The following CD9 variants were observed in gnomAD, a reference collection of about 807,000 sequenced individuals.
CD9 encodes the protein CD9 molecule, also known as CD9 antigen.
Under a neutral mutation model 31.4 loss-of-function variants are expected in CD9, and 10 were observed. That is an observed-to-expected ratio of 0.32 (90% CI 0.20 to 0.54). The LOEUF (loss-of-function observed/expected upper bound fraction) is 0.54. CD9 is among the 20% of genes least tolerant of loss of function. The pLI, the probability that CD9 is intolerant of heterozygous loss-of-function variation, is 0.94. For synonymous variants in CD9, 113 were observed against 114.1 expected (o/e 0.99, Z 0.06); for missense variants, 259 against 300.1 (o/e 0.86, Z 1.01).
At chr12:6,224,210 T>A (rs1946332229) in intron 1 of CD9, among the ~76,000 whole-genome samples, 1 of 152,188 alleles carries the variant, frequency 6.6e-6, no homozygotes, top group Non-Finnish European at 1.5e-5. Flanking sequence ...CTTTATTCTT[T>A]AGCCATACCT....
intron 1 of CD9, among the ~76,000 whole-genome samples, chr12:6,224,445 T>C (rs1946335841): frequency 6.6e-6 from 1 of 151,890 alleles, no homozygotes; most frequent in Admixed American, 6.5e-5. Flanking sequence ...CCACCCAACA[T>C]GCCCACACTC....
chr12:6,226,630 C>T (rs1212734246), intron 2 of CD9, among the ~76,000 whole-genome samples: 1 of 152,052 alleles, frequency 6.6e-6, no homozygotes, highest in African/African-American at 2.4e-5. Context: ...ACATTTGAGC[C>T]CTGTGGATAG....
Position 6,232,966 on chromosome 12 carries a change from T to C in CD9, c.273+237T>C. On this transcript the variant is annotated intron_variant, in intron 3 of 7. Transcript: ENST00000009180. This position sits in a 1 kb window ranked among gnomAD's most constrained non-coding sequence, Gnocchi z 4.8. ...CTAAAAGGACTATGTTTCCCCCTTT[T>C]CTCGAGGACCACGTTTGCTTTTTTT... 1 of 702,452 alleles carries C rather than the reference T, an allele frequency of 1.4e-6. No homozygotes were observed. The highest frequency in any genetic ancestry group is 2.7e-5 in the East Asian group (1 of 37,276). The allele number at this position is 702,452 out of a possible 1,614,324, so 43.5% of individuals were successfully genotyped here. A position where few individuals can be genotyped will look rare whatever the true frequency, so the allele number is the denominator to read the frequency against.
intron 1 of CD9, among the ~76,000 whole-genome samples, chr12:6,223,792 G>T (rs1228142575): frequency 6.6e-6 from 1 of 152,150 alleles, no homozygotes; most frequent in Non-Finnish European, 1.5e-5. Flanking sequence ...TACCCTGCTG[G>T]GTCCAGGACG....
intron 1 of CD9, among the ~76,000 whole-genome samples, chr12:6,211,660 C>T (rs1426784738): frequency 6.6e-6 from 1 of 152,200 alleles, no homozygotes; most frequent in African/African-American, 2.4e-5. Context: ...GAGGCATACA[C>T]AACGGAAAAC....
chr12:6,220,140 C>T (rs1443182221), intron 1 of CD9, among the ~76,000 whole-genome samples: 1 of 152,140 alleles, frequency 6.6e-6, no homozygotes, highest in Non-Finnish European at 1.5e-5. Flanking sequence ...TGCTCACGTG[C>T]TTGGCTTGCT....
intron 1 of CD9, chr12:6,200,965 A>T (rs1946069090): frequency 5.8e-6 from 1 of 172,304 alleles, no homozygotes; most frequent in South Asian, 1.6e-4. Flanking sequence ...AAGGCCAAGG[A>T]GGACTGTGGT....
chr12:6,231,577 G>A (rs1311189715), intron 2 of CD9, among the ~76,000 whole-genome samples: 1 of 152,234 alleles, frequency 6.6e-6, no homozygotes, highest in African/African-American at 2.4e-5. Context: ...TAGAACTGTG[G>A]GGTGGCCCCT....
intron 1 of CD9, among the ~76,000 whole-genome samples, chr12:6,215,305 CAG>C (rs1490500095): frequency 6.6e-6 from 1 of 152,206 alleles, no homozygotes; most frequent in East Asian, 1.9e-4. Context: ...TCAGAACCCC[CAG>C]AGAGAGCTTT....
rs1183694266 is a variant in CD9, at chr12:6,235,502, C to T, written c.474C>T (p.Gly158=). ...TGAACTGCTGTGGTTTGGCTGGGGG[C>T]GTGGAACAGTTTATCTCAGACATCT... The part of the protein sequence containing the change: ...YALNCCGLAG[G]VEQFISDICP... Residue 158 remains glycine, a synonymous_variant, in exon 6 of 8, where the codon GGC becomes GGT. Coordinates refer to ENST00000009180, the MANE Select transcript of CD9 (RefSeq NM_001769.4). 18 of 1,613,914 alleles carry T rather than the reference C, an allele frequency of 1.1e-5. No individual in the cohort carries two copies. The African/African-American group carries it at 1.2e-4, about 11-fold the overall frequency.
intron 1 of CD9, among the ~76,000 whole-genome samples, chr12:6,221,572 A>G (rs745637702): frequency 2.0e-5 from 3 of 152,050 alleles, no homozygotes; most frequent in Non-Finnish European, 2.9e-5. Flanking sequence ...CCGGACTCCT[A>G]TATTCTCATT....
At chr12:6,225,106 G>T in intron 1 of CD9, 1 of 302,490 alleles carries the variant, frequency 3.3e-6, no homozygotes, top group South Asian at 7.9e-5. Flanking sequence ...TCTTGGTTTA[G>T]CATTGTGAGA....
At position 6,214,615 on chromosome 12, in the gene CD9, T is replaced by C. The variant is rs561362301; in HGVS notation, c.67-10811T>C. On this transcript the variant is annotated intron_variant, in intron 1 of 7. Transcript: ENST00000009180. The stretch of plus-strand genomic sequence containing the variant: ...CCGCCCCCCTCTCAGCCTCCCAAAG[T>C]GCTAGGTCAGGTCAGAGGCCTGACC... 2.6e-5 allele frequency among the ~76,000 whole-genome samples: 4 copies of C among 152,220 alleles called. No individual in the cohort carries two copies. In the East Asian group the frequency reaches 7.7e-4, roughly 29 times the overall value.
rs181627892 is a variant in CD9 at position 6,216,909 on chromosome 12, T to C, written c.67-8517T>C. On this transcript the variant is annotated intron_variant, in intron 1 of 7. Coordinates refer to ENST00000009180, the MANE Select transcript of CD9 (RefSeq NM_001769.4). ...GGTTTATTATTATTGTCATTTTTTT[T>C]CCCTATGGAATCCGGCTGGCTGTAA... Among the ~76,000 whole-genome samples, 68 of 152,286 alleles carry C rather than the reference T, an allele frequency of 4.5e-4. No homozygotes were observed. The East Asian group carries it at 9.8e-3, about 22-fold the overall frequency.
chr12:6,203,326 T>G (rs1946095813), intron 1 of CD9, among the ~76,000 whole-genome samples: 1 of 152,190 alleles, frequency 6.6e-6, no homozygotes, highest in Admixed American at 6.6e-5. Flanking sequence ...CTAAGGGAAC[T>G]GCTTGGGTGA....
At chr12:6,218,480 A>C (rs1210240107) in intron 1 of CD9, among the ~76,000 whole-genome samples, 1 of 152,022 alleles carries the variant, frequency 6.6e-6, no homozygotes, top group African/African-American at 2.4e-5. Context: ...CTTTTTCAGC[A>C]CACCTACTTC....
At chr12:6,228,650 AAAT>A (rs1452929130) in intron 2 of CD9, among the ~76,000 whole-genome samples, 4 of 152,042 alleles carry the variant, frequency 2.6e-5, no homozygotes, top group Non-Finnish European at 5.9e-5. Context: ...ACGCTTTAGG[AAAT>A]AATAATTGTC....
intron 1 of CD9, among the ~76,000 whole-genome samples, chr12:6,212,483 C>G (rs949841392): frequency 6.6e-6 from 1 of 152,300 alleles, no homozygotes; most frequent in Middle Eastern, 3.4e-3. Context: ...TTACACACAA[C>G]GAGCCAGGCA....
chr12:6,215,726 G>A (rs1053312067), intron 1 of CD9, among the ~76,000 whole-genome samples: 1 of 152,188 alleles, frequency 6.6e-6, no homozygotes, highest in Non-Finnish European at 1.5e-5. Flanking sequence ...GTTCTCTAGG[G>A]CTGTGATCTC....
Sources: allele counts gnomAD v4.1 joint callset (sites outside exome capture counted in the v4.1 genomes callset), GRCh38; gene constraint gnomAD v4.1.1; non-coding constraint Gnocchi (gnomAD v3.1); transcripts MANE v1.5; gene names NCBI Gene and HGNC (gene_info 2026-07-23, HGNC 2026-07-21).